TSPAN10: variants seen among roughly 807,000 people sequenced by gnomAD.
TSPAN10 encodes the protein tetraspanin 10.
Under a neutral mutation model 15.0 loss-of-function variants are expected in TSPAN10, and 11 were observed. That is an observed-to-expected ratio of 0.73 (90% CI 0.46 to 1.21). The LOEUF (loss-of-function observed/expected upper bound fraction) is 1.21. Ranked by LOEUF, TSPAN10 falls within the 50% of genes most tolerant of loss-of-function variation. The pLI, the probability that TSPAN10 is intolerant of heterozygous loss-of-function variation, is 0.00. For synonymous variants in TSPAN10, 241 were observed against 226.2 expected, an observed-to-expected ratio of 1.07 and a Z score of -0.59; for missense variants, 486 against 470.6, an observed-to-expected ratio of 1.03 and a Z score of -0.30.
chr17:81,645,985 G>C, intron 2 of TSPAN10: 1 of 391,458 alleles, frequency 2.6e-6, no homozygotes, highest in Non-Finnish European at 4.6e-6. Flanking sequence ...ATGGGCTCAG[G>C]GCCCCAATCA....
At chr17:81,646,848 T>G (rs1447476686) in intron 2 of TSPAN10, among the ~76,000 whole-genome samples, 9 of 44,316 alleles carry the variant, frequency 2.0e-4, no homozygotes, top group Non-Finnish European at 3.1e-4. Context: ...TTTGTTGGTT[T>G]GTTTGTTTGT....
At chr17:81,645,801 C>T (rs1400716975) in intron 2 of TSPAN10, 172 bp downstream of exon 3, 4 of 853,874 alleles carry the variant, frequency 4.7e-6, no homozygotes, top group Non-Finnish European at 5.6e-6. Flanking sequence ...GTCTCGTGCT[C>T]ACAGGTTTCA....
At chr17:81,647,318 C>G (rs1351837939) in intron 2 of TSPAN10, 1 of 425,670 alleles carries the variant, frequency 2.3e-6, no homozygotes, top group Non-Finnish European at 4.7e-6. Context: ...TGCAGGTCTG[C>G]TGGGCCCGTG....
At chr17:81,648,082 T>G (rs2036282590) in exon 3 of TSPAN10, 1 of 1,589,842 alleles carries the variant, frequency 6.3e-7, no homozygotes, top group Non-Finnish European at 8.5e-7. Context: ...GCTCCGGCGG[T>G]GGCTGCGCGC....
At chr17:81,648,506 T>G, downstream of TSPAN10, 2 of 397,946 alleles carry the variant, frequency 5.0e-6, no homozygotes, top group Non-Finnish European at 4.0e-6. Context: ...GCCACGGGAC[T>G]GGCGGGAGGA....
upstream of TSPAN10, chr17:81,642,227 C>A (rs2036184462): frequency 3.5e-6 from 2 of 566,104 alleles, no homozygotes; most frequent in South Asian, 4.5e-5. Flanking sequence ...TGATTCTTCA[C>A]ATGACTCAAC....
intron 1 of TSPAN10, 116 bp from the exon 3 acceptor site, chr17:81,644,876 A>G: frequency 7.0e-7 from 1 of 1,435,646 alleles, no homozygotes; most frequent in Non-Finnish European, 9.4e-7. Flanking sequence ...GCCCTCCGCC[A>G]TCCGGCATCC....
upstream of TSPAN10, chr17:81,637,573 C>A: frequency 5.6e-6 from 3 of 538,106 alleles, no homozygotes; most frequent in South Asian, 6.9e-5. Flanking sequence ...CCAAGGTGGA[C>A]GGATCACCTG....
At chr17:81,647,652 G>A (rs2036272682) in intron 2 of TSPAN10, 3 of 652,682 alleles carry the variant, frequency 4.6e-6, no homozygotes, top group East Asian at 2.7e-5. Flanking sequence ...CCTCCTGCTA[G>A]TCAACACAGC....
At chr17:81,641,006 C>G (rs972754511), upstream of TSPAN10, among the ~76,000 whole-genome samples, 2 of 151,986 alleles carry the variant, frequency 1.3e-5, no homozygotes, top group African/African-American at 4.8e-5. Context: ...AACCCCATCT[C>G]TACTAAAAAT....
At chr17:81,643,867 G>A (rs1325156547) in intron 1 of TSPAN10, among the ~76,000 whole-genome samples, 2 of 152,074 alleles carry the variant, frequency 1.3e-5, no homozygotes, top group African/African-American at 4.8e-5. Flanking sequence ...CACCCAGGCT[G>A]GAGTGCAGTC....
rs770574960 is a variant in TSPAN10 at position 81,644,990 on chromosome 17, A to G, written c.37-2A>G. The G allele has an allele frequency of 3.1e-6, 5 of 1,610,334 alleles. No individual in the cohort carries two copies. The South Asian group carries it at 4.4e-5, about 14-fold the overall frequency. On this transcript the variant is annotated splice_acceptor_variant, in intron 1 of 2. Transcript: ENST00000611590. LOFTEE classifies it high-confidence loss of function. Reference sequence around the variant, plus strand: ...CTCACCCTGTTCCTCTTCCCTCTGCAGGAAACTGCAGGCCAGAAGCCCCTC... The same window carrying G: ...CTCACCCTGTTCCTCTTCCCTCTGCGGGAAACTGCAGGCCAGAAGCCCCTC...
In TSPAN10 at chr17:81,645,632, G is replaced by T. The variant is rs1425562889; in HGVS notation, c.674+3G>T. 1.2e-6 allele frequency: 2 copies of T among 1,611,608 alleles called. No homozygotes were observed. The highest frequency in any genetic ancestry group is 1.7e-6 in the Non-Finnish European group (2 of 1,179,634). ...TACCAGGACTGGCAGCAGAACCTGT[G>T]AGTCTTGGAGTGGGCGAGGGACAGG... On this transcript the variant is annotated splice_donor_region_variant and intron_variant, in intron 2 of 2. Coordinates refer to ENST00000611590, the Ensembl canonical transcript of TSPAN10.
At chr17:81,637,416 G>A, upstream of TSPAN10, 1 of 698,762 alleles carries the variant, frequency 1.4e-6, no homozygotes, top group Non-Finnish European at 2.6e-6. Flanking sequence ...GGTAAGTAGA[G>A]AAACAATTTC....
At chr17:81,637,632 C>T (rs2036122596), upstream of TSPAN10, 2 of 482,106 alleles carry the variant, frequency 4.1e-6, no homozygotes, top group African/African-American at 4.0e-5. Context: ...AACCCCGTCT[C>T]TACTCAAAAT....
At chr17:81,647,777 CGTGTGTGCAT>C in intron 2 of TSPAN10, 114 bp from the exon 4 acceptor site, 1 of 1,012,560 alleles carries the variant, frequency 9.9e-7, no homozygotes, top group Non-Finnish European at 1.5e-6. Flanking sequence ...GGCGTATGCA[CGTGTGTGCAT>C]GTGCCTGTGT....
upstream of TSPAN10, chr17:81,642,408 C>G (rs1358330552): frequency 6.2e-7 from 1 of 1,613,488 alleles, no homozygotes; most frequent in South Asian, 1.1e-5. Context: ...GTTCCAGCGT[C>G]AAGGATGGAG....
upstream of TSPAN10, among the ~76,000 whole-genome samples, chr17:81,639,843 G>T (rs1481925262): frequency 6.6e-6 from 1 of 152,036 alleles, no homozygotes; most frequent in Non-Finnish European, 1.5e-5. Context: ...AGCCGGGCGT[G>T]GTGGCGGGTG....
rs775703993 is a variant in TSPAN10 at position 81,647,904 on chromosome 17, C to A, written c.678C>A (p.Tyr226Ter). The A allele has an allele frequency of 3.6e-6, 5 of 1,375,620 alleles. No individual in the cohort carries two copies. The East Asian group carries it at 1.1e-4, about 31-fold the overall frequency. 85.2% of individuals were successfully genotyped at this position (1,375,620 alleles called of 1,614,324 possible). A position where few individuals can be genotyped will look rare whatever the true frequency, so the allele number is the denominator to read the frequency against. The change falls in exon 3 of 3, where the codon TAC becomes TAA. Residue 226 changes from tyrosine (Y) to a stop codon, truncating the protein, a stop_gained. Coordinates refer to ENST00000611590, the Ensembl canonical transcript of TSPAN10. LOFTEE classifies it low-confidence loss of function (END_TRUNC). ...GACGATTCCATGCGCCTTGCAGGTA[C>A]TTTAACTGCAGCTCCCCCGGGGTGC...
Sources: allele counts gnomAD v4.1 joint callset (sites outside exome capture counted in the v4.1 genomes callset), GRCh38; gene constraint gnomAD v4.1.1; transcripts MANE v1.5; gene names NCBI Gene and HGNC (gene_info 2026-07-23, HGNC 2026-07-21).